Variants in NTRK3 observed in about 807,000 individuals in gnomAD.
NTRK3 encodes the protein NT-3 growth factor receptor.
Under a neutral mutation model 91.7 loss-of-function variants are expected in NTRK3, and 24 were observed. The ratio of observed to expected loss-of-function variants is 0.26; its 90% CI spans 0.19 to 0.37. The LOEUF (loss-of-function observed/expected upper bound fraction) is 0.37. Ranked by LOEUF, NTRK3 falls within the 10% of genes least tolerant of loss-of-function variation. The pLI is 1.00. For synonymous variants in NTRK3, 483 were observed against 404.0 expected, an observed-to-expected ratio of 1.20 and a Z score of -2.34; for missense variants, 880 against 1,068.9, an observed-to-expected ratio of 0.82 and a Z score of 2.46.
At chr15:88,062,163 C>T (rs939277594) in intron 13 of NTRK3, among the ~76,000 whole-genome samples, 1 of 152,136 alleles carries the variant, frequency 6.6e-6, no homozygotes, top group Non-Finnish European at 1.5e-5. Context: ...CATTTTACAT[C>T]AGGGACTTGA....
chr15:87,900,340 T>C (rs903323830), intron 17 of NTRK3, among the ~76,000 whole-genome samples: 1 of 152,142 alleles, frequency 6.6e-6, no homozygotes, highest in Non-Finnish European at 1.5e-5. Context: ...CCTAGAGGCA[T>C]CTTTAGCATC....
At chr15:88,212,116 C>A (rs2049300097) in intron 3 of NTRK3, among the ~76,000 whole-genome samples, 1 of 152,224 alleles carries the variant, frequency 6.6e-6, no homozygotes, top group Non-Finnish European at 1.5e-5. Context: ...CACCTGTAAT[C>A]CCAGCACTTT....
chr15:88,110,195 T>C (rs115995935), intron 13 of NTRK3, among the ~76,000 whole-genome samples: 89 of 152,174 alleles, frequency 5.8e-4, no homozygotes, highest in African/African-American at 2.1e-3. Flanking sequence ...AGCCATAGCA[T>C]TGGCCAGATA....
chr15:88,249,815 T>A (rs2053181719), intron 3 of NTRK3, among the ~76,000 whole-genome samples: 1 of 152,128 alleles, frequency 6.6e-6, no homozygotes. Flanking sequence ...GTTCATAGAA[T>A]GACAAATGAC....
intron 5 of NTRK3, among the ~76,000 whole-genome samples, chr15:88,177,757 T>G (rs1301964521): frequency 6.6e-6 from 1 of 152,234 alleles, no homozygotes; most frequent in Non-Finnish European, 1.5e-5. Context: ...CTAAGGACTC[T>G]TCCAGCTTTA....
intron 6 of NTRK3, 23 bp from the exon 7 acceptor site, chr15:88,137,584 A>T (rs2041998399): frequency 6.2e-7 from 1 of 1,612,152 alleles, no homozygotes. Context: ...AGAGAGGGGA[A>T]GGGAACCTCT....
intron 14 of NTRK3, among the ~76,000 whole-genome samples, chr15:87,990,800 T>TA (rs2075227871): frequency 6.6e-6 from 1 of 152,178 alleles, no homozygotes; most frequent in African/African-American, 2.4e-5. Context: ...ACCAAACAAA[T>TA]GTATGCCCAC....
chr15:88,123,978 C>T (rs1187502915), intron 13 of NTRK3, among the ~76,000 whole-genome samples: 1 of 152,180 alleles, frequency 6.6e-6, no homozygotes, highest in Admixed American at 6.5e-5. Flanking sequence ...TGCTTCCCAT[C>T]ATGGTCTGAA....
In NTRK3 at chr15:88,203,422, T is replaced by C. The variant is rs1021402501; in HGVS notation, c.249-19123A>G. On this transcript the variant is annotated intron_variant, in intron 3 of 18. Transcript: ENST00000394480. ...TAAAGAGTTGCACTGTTTGAGCTTT[T>C]ACTGTGTGTCAGTCTCTGCATTTAC... Among the ~76,000 whole-genome samples the C allele has an allele frequency of 4.6e-5, 7 of 152,202 alleles. No homozygotes were observed. The East Asian group carries it at 5.8e-4, about 13-fold the overall frequency.
chr15:87,873,822 T>C (rs1334370237), exon 19 of NTRK3: 4 of 231,670 alleles, frequency 1.7e-5, no homozygotes, highest in Non-Finnish European at 8.5e-6. Flanking sequence ...CACTTCAGAC[T>C]CCGAAATGTT....
intron 3 of NTRK3, among the ~76,000 whole-genome samples, chr15:88,193,078 C>T (rs1105962): frequency 0.67 from 101,360 of 152,036 alleles, 33,994 homozygotes; most frequent in Middle Eastern, 0.76. Context: ...ATTGGGGCAC[C>T]ACCCCTGAGT....
intron 14 of NTRK3, among the ~76,000 whole-genome samples, chr15:87,953,665 C>T (rs773251394): frequency 1.6e-4 from 25 of 152,192 alleles, no homozygotes; most frequent in Non-Finnish European, 3.4e-4. Flanking sequence ...TCTGGGGCAT[C>T]AGCCTCAGGA....
rs1222877220 is a variant in NTRK3 at position 88,237,502 on chromosome 15, T to C, written c.248+18404A>G. 6.6e-6 allele frequency among the ~76,000 whole-genome samples: 1 copy of C among 152,240 alleles called. No homozygotes were observed. The highest frequency in any genetic ancestry group is 1.5e-5 in the Non-Finnish European group (1 of 68,050). The stretch of plus-strand genomic sequence containing the variant: ...TGGTGCTCACTGGTAGCTGTTGAAA[T>C]AATTAGTTAATTAATTCATAAGAGA... On this transcript the variant is annotated intron_variant, in intron 3 of 18. Coordinates refer to ENST00000394480, the Ensembl canonical transcript of NTRK3. The surrounding 1 kb of genome is among the most constrained non-coding windows in gnomAD (Gnocchi z 4.0).
chr15:88,116,438 TA>T (rs869068486), intron 13 of NTRK3, among the ~76,000 whole-genome samples: 3,052 of 121,232 alleles, frequency 0.025, 102 homozygotes, highest in African/African-American at 0.079. Flanking sequence ...TACAAAAATT[TA>T]AAAAAAAAAA....
chr15:88,082,268 ACT>A (rs1223790071), intron 13 of NTRK3, among the ~76,000 whole-genome samples: 1 of 141,144 alleles, frequency 7.1e-6, no homozygotes, highest in Non-Finnish European at 1.5e-5. Flanking sequence ...ACAAAGTGAG[ACT>A]CTGTCTCAAA....
intron 13 of NTRK3, among the ~76,000 whole-genome samples, chr15:88,071,037 TAATGA>T (rs2047051155): frequency 6.6e-6 from 1 of 152,234 alleles, no homozygotes; most frequent in Non-Finnish European, 1.5e-5. Context: ...CTTGCTGTAG[TAATGA>T]TCTGATTAGG....
intron 17 of NTRK3, among the ~76,000 whole-genome samples, chr15:87,921,314 G>C (rs1486729744): frequency 1.3e-5 from 2 of 152,158 alleles, no homozygotes; most frequent in African/African-American, 4.8e-5. Flanking sequence ...CTCATCTCCT[G>C]ACAGCCAGCA....
chr15:87,978,972 G>A (rs892445899), intron 14 of NTRK3: 5 of 366,494 alleles, frequency 1.4e-5, no homozygotes, highest in Admixed American at 8.7e-5. Context: ...AGCACGGCTG[G>A]ACTTCATCAG....
At chr15:88,032,790 G>A (rs1222136819) in intron 14 of NTRK3, 67 bp downstream of exon 14, 5 of 1,574,592 alleles carry the variant, frequency 3.2e-6, no homozygotes, top group South Asian at 2.3e-5. Context: ...CAGAACCCCA[G>A]GTACATGGTC....
Sources: gnomAD v4.1 joint callset for allele counts (sites outside exome capture counted in the v4.1 genomes callset) on GRCh38, gnomAD v4.1.1 for gene constraint, Gnocchi (gnomAD v3.1) non-coding constraint, MANE v1.5 for transcripts, NCBI Gene and HGNC (gene_info 2026-07-23, HGNC 2026-07-21) for gene names.